Variants in AFF2 observed in about 807,000 individuals in gnomAD.
AFF2 encodes the protein AF4/FMR2 family member 2.
Under a neutral mutation model 76.9 loss-of-function variants are expected in AFF2, and 14 were observed. That is an observed-to-expected ratio of 0.18 (90% CI 0.12 to 0.28). The LOEUF is 0.28. Among genes scored for constraint, AFF2 ranks in the 10% least tolerant of loss-of-function variants. The pLI, the probability that AFF2 is intolerant of heterozygous loss-of-function variation, is 1.00. For synonymous variants in AFF2, 398 were observed against 366.7 expected (o/e 1.09, Z -0.98); for missense variants, 868 against 1,001.1 (o/e 0.87, Z 1.79).
chrX:148,733,494 G>A (rs936705210), intron 3 of AFF2, among the ~76,000 whole-genome samples: 28 of 110,894 alleles, frequency 2.5e-4, no homozygotes, highest in African/African-American at 8.9e-4. Flanking sequence ...TAGTGCTCTG[G>A]AAGTTGGAAC....
intron 1 of AFF2, among the ~76,000 whole-genome samples, chrX:148,534,349 C>T (rs1243283795): frequency 2.7e-5 from 3 of 112,452 alleles, no homozygotes; most frequent in Non-Finnish European, 3.8e-5. Flanking sequence ...CCATGAAGAT[C>T]AAATGATACA....
chrX:148,622,565 C>A (rs2053880434), intron 1 of AFF2, among the ~76,000 whole-genome samples: 1 of 111,685 alleles, frequency 9.0e-6, no homozygotes, highest in Non-Finnish European at 1.9e-5. Context: ...GACCAGCTGA[C>A]TGGGGACCAT....
chrX:148,696,383 GCACATGTA>G (rs1198819400), intron 3 of AFF2, among the ~76,000 whole-genome samples: 21 of 110,223 alleles, frequency 1.9e-4, no homozygotes, highest in African/African-American at 3.0e-4. Flanking sequence ...CACCAACATG[GCACATGTA>G]CACATATGTA....
At chrX:148,632,091 A>T (rs2053986887) in intron 1 of AFF2, among the ~76,000 whole-genome samples, 1 of 112,255 alleles carries the variant, frequency 8.9e-6, no homozygotes, top group Admixed American at 9.5e-5. Flanking sequence ...GACTAAAAAC[A>T]AATTTGTATT....
At chrX:148,592,748 A>T (rs1306737588) in intron 1 of AFF2, among the ~76,000 whole-genome samples, 1 of 111,664 alleles carries the variant, frequency 9.0e-6, no homozygotes, top group Non-Finnish European at 1.9e-5. Context: ...AGCTAGCTTG[A>T]TGGGGTTAGG....
chrX:148,573,423 A>G (rs1250805261), intron 1 of AFF2, among the ~76,000 whole-genome samples: 2 of 111,167 alleles, frequency 1.8e-5, no homozygotes, highest in African/African-American at 3.3e-5. Flanking sequence ...TTCTAGACCA[A>G]CGTATAGTTT....
intron 1 of AFF2, among the ~76,000 whole-genome samples, chrX:148,597,812 A>G (rs1247331064): frequency 8.9e-6 from 1 of 112,380 alleles, no homozygotes; most frequent in Non-Finnish European, 1.9e-5. Flanking sequence ...GCATAACCAC[A>G]TATCCCGCCG....
At chrX:148,878,044 A>T (rs1409770193) in intron 7 of AFF2, among the ~76,000 whole-genome samples, 1 of 111,550 alleles carries the variant, frequency 9.0e-6, no homozygotes, top group Admixed American at 9.5e-5. Flanking sequence ...GGAGACTGAG[A>T]GGGGCAATTC....
intron 12 of AFF2, among the ~76,000 whole-genome samples, chrX:148,959,645 G>T (rs1399345328): frequency 2.7e-5 from 3 of 112,229 alleles, no homozygotes; most frequent in African/African-American, 9.7e-5. Flanking sequence ...TATTGGTGAG[G>T]TTCATCAGTA....
chrX:148,605,816 T>C (rs1557248717), intron 1 of AFF2, among the ~76,000 whole-genome samples: 1 of 112,199 alleles, frequency 8.9e-6, no homozygotes, highest in African/African-American at 3.2e-5. Context: ...TGCTATGAAT[T>C]AATGAGTGAG....
intron 3 of AFF2, among the ~76,000 whole-genome samples, chrX:148,729,325 A>T (rs1048362430): frequency 6.3e-5 from 7 of 111,696 alleles, no homozygotes; most frequent in Non-Finnish European, 1.1e-4. Context: ...AATGGCAATG[A>T]TTAGTGGAAT....
In AFF2 at chrX:148,956,021, A is replaced by G. The variant is rs782052414; in HGVS notation, c.1976A>G (p.Glu659Gly). ...NITSSTPKEKESVELHDPPRG... is the reference protein window; with the variant it reads ...NITSSTPKEKGSVELHDPPRG... ...ACCAGCAGCACTCCCAAAGAAAAAGAAAGTGTGGAGCTTCATGACCCACCA... is the reference window on the plus strand; with the variant it reads ...ACCAGCAGCACTCCCAAAGAAAAAGGAAGTGTGGAGCTTCATGACCCACCA... Residue 659 changes from glutamate to glycine, a missense_variant, in exon 11 of 21, where the codon GAA becomes GGA. Transcript: ENST00000370460. The G allele has an allele frequency of 1.7e-6, 2 of 1,211,581 alleles. No individual in the cohort carries two copies.
chrX:148,851,065 A>G (rs1411124480), intron 7 of AFF2, among the ~76,000 whole-genome samples: 2 of 112,475 alleles, frequency 1.8e-5, no homozygotes, highest in Admixed American at 1.9e-4. Flanking sequence ...CTTCTGAACT[A>G]TTCATTTTGT....
chrX:148,958,015 T>C (rs1312842127), intron 11 of AFF2, among the ~76,000 whole-genome samples: 1 of 112,272 alleles, frequency 8.9e-6, no homozygotes, highest in African/African-American at 3.2e-5. Context: ...TGTGGGGGCA[T>C]TGTTGATGGG....
chrX:148,758,265 C>T (rs781789700), intron 3 of AFF2, among the ~76,000 whole-genome samples: 5 of 112,356 alleles, frequency 4.5e-5, no homozygotes, highest in African/African-American at 1.6e-4. Flanking sequence ...GAACTGTCAA[C>T]GTAAATGTCA....
At chrX:148,942,845 A>G (rs2071856585) in intron 9 of AFF2, among the ~76,000 whole-genome samples, 1 of 110,687 alleles carries the variant, frequency 9.0e-6, no homozygotes, top group African/African-American at 3.3e-5. Context: ...AGAAAAGAAA[A>G]GAACATTGGA....
intron 7 of AFF2, among the ~76,000 whole-genome samples, chrX:148,862,521 G>A (rs1445569924): frequency 8.9e-6 from 1 of 111,784 alleles, no homozygotes; most frequent in Non-Finnish European, 1.9e-5. Flanking sequence ...CATTTTCTGT[G>A]CACTGCTTGG....
At chrX:148,637,451 A>C (rs2054043578) in intron 1 of AFF2, among the ~76,000 whole-genome samples, 1 of 112,240 alleles carries the variant, frequency 8.9e-6, no homozygotes. Flanking sequence ...GAGGCACAGC[A>C]CTGAAACCAA....
intron 4 of AFF2, among the ~76,000 whole-genome samples, chrX:148,811,662 T>G (rs781943529): frequency 6.2e-5 from 7 of 112,108 alleles, no homozygotes; most frequent in Non-Finnish European, 1.1e-4. Flanking sequence ...GCCAGGCATA[T>G]CTCAAAATCT....
Sources: allele counts gnomAD v4.1 joint callset (sites outside exome capture counted in the v4.1 genomes callset), GRCh38; gene constraint gnomAD v4.1.1; transcripts MANE v1.5; gene names NCBI Gene and HGNC (gene_info 2026-07-23, HGNC 2026-07-21).